The following ARHGAP26 variants were observed in gnomAD, a reference collection of about 807,000 sequenced individuals.
ARHGAP26 encodes the protein rho GTPase-activating protein 26.
A neutral mutation model predicts 104.8 loss-of-function variants in ARHGAP26; 38 were observed. The ratio of observed to expected loss-of-function variants is 0.36; its 90% CI spans 0.28 to 0.48. ARHGAP26 has a LOEUF of 0.48. Ranked by LOEUF, ARHGAP26 falls within the 20% of genes least tolerant of loss-of-function variation. The pLI, the probability that ARHGAP26 is intolerant of heterozygous loss-of-function variation, is 0.99. For missense variants in ARHGAP26, 704 were observed against 947.9 expected (o/e 0.74, Z 3.38); for synonymous variants, 341 against 340.0 (o/e 1.00, Z -0.03).
intron 17 of ARHGAP26, among the ~76,000 whole-genome samples, chr5:143,110,209 A>G (rs564357624): frequency 6.6e-6 from 1 of 152,264 alleles, no homozygotes; most frequent in African/African-American, 2.4e-5. Flanking sequence ...TCATAGCACC[A>G]TATATTTTCT....
chr5:142,981,984 G>A lies in ARHGAP26; in HGVS notation c.1108-32096G>A, dbSNP rs544014002. ...AGGCTTTCATTGCATTAGTCCACTTGGAAGTCTTTTCTCCAATCCATTTGA... is the reference window on the plus strand; with the variant it reads ...AGGCTTTCATTGCATTAGTCCACTTAGAAGTCTTTTCTCCAATCCATTTGA... On this transcript the variant is annotated intron_variant, in intron 11 of 22. Transcript: ENST00000645722. 2.0e-5 allele frequency among the ~76,000 whole-genome samples: 3 copies of A among 152,334 alleles called. No homozygotes were observed. In the East Asian group the frequency reaches 5.8e-4, roughly 29 times the overall value.
chr5:143,176,854 A>G (rs1803538362), intron 20 of ARHGAP26, among the ~76,000 whole-genome samples: 1 of 152,210 alleles, frequency 6.6e-6, no homozygotes. Flanking sequence ...TCAGCTCATA[A>G]TCTCAGAATC....
At chr5:142,908,398 C>T (rs770472679) in intron 9 of ARHGAP26, among the ~76,000 whole-genome samples, 5 of 152,244 alleles carry the variant, frequency 3.3e-5, no homozygotes, top group Non-Finnish European at 5.9e-5. Flanking sequence ...TGGCCAGATA[C>T]AGCTGTCATC....
intron 17 of ARHGAP26, among the ~76,000 whole-genome samples, chr5:143,089,572 A>C (rs553294244): frequency 9.2e-5 from 14 of 152,176 alleles, no homozygotes; most frequent in Admixed American, 7.2e-4. Context: ...TTTTGCTACT[A>C]TCATGTCTAA....
chr5:143,166,197 C>A, intron 20 of ARHGAP26: 1 of 859,540 alleles, frequency 1.2e-6, no homozygotes, highest in Non-Finnish European at 1.5e-6. Flanking sequence ...ATGTACGTAG[C>A]TGGCAGTGAA....
chr5:142,976,239 C>T (rs907557503), intron 11 of ARHGAP26, among the ~76,000 whole-genome samples: 1 of 152,154 alleles, frequency 6.6e-6, no homozygotes, highest in African/African-American at 2.4e-5. Context: ...TCCTTTAAAG[C>T]ATTTGAAATA....
In ARHGAP26 at chr5:143,131,930, T is replaced by C. The variant is rs1450326327; in HGVS notation, c.1699-2037T>C. On this transcript the variant is annotated intron_variant, in intron 18 of 22. Transcript: ENST00000645722. The stretch of plus-strand genomic sequence containing the variant: ...TGCAGTCCTTGAGCTTTTCTTTCTA[T>C]TATAGAGGCTCAGTAAGAGACTAGA... Among the ~76,000 whole-genome samples, 3 of 151,490 alleles carry C rather than the reference T, an allele frequency of 2.0e-5. No individual in the cohort carries two copies. The East Asian group carries it at 5.8e-4, about 29-fold the overall frequency.
chr5:142,982,972 A>G (rs1037541601), intron 11 of ARHGAP26, among the ~76,000 whole-genome samples: 15 of 152,146 alleles, frequency 9.9e-5, no homozygotes, highest in African/African-American at 3.4e-4. Flanking sequence ...GCAGCCTTGC[A>G]TCTGGGGTTG....
chr5:143,034,007 A>G (rs1165634509), intron 12 of ARHGAP26, among the ~76,000 whole-genome samples: 1 of 152,196 alleles, frequency 6.6e-6, no homozygotes, highest in Non-Finnish European at 1.5e-5. Context: ...AAGATTCCCA[A>G]CATTATTAGT....
chr5:142,945,226 C>A (rs984082238), intron 11 of ARHGAP26, among the ~76,000 whole-genome samples: 1 of 152,176 alleles, frequency 6.6e-6, no homozygotes, highest in African/African-American at 2.4e-5. Flanking sequence ...GAAAAGCTCC[C>A]TGAGGGATAT....
intron 17 of ARHGAP26, among the ~76,000 whole-genome samples, chr5:143,087,874 C>T (rs1790832386): frequency 6.6e-6 from 1 of 151,898 alleles, no homozygotes; most frequent in South Asian, 2.1e-4. Flanking sequence ...GTCTCGAACT[C>T]CTGACCTCAG....
At chr5:143,050,836 C>T (rs1187438271) in intron 14 of ARHGAP26, among the ~76,000 whole-genome samples, 4 of 152,140 alleles carry the variant, frequency 2.6e-5, no homozygotes, top group Non-Finnish European at 5.9e-5. Flanking sequence ...GGCTACTAAT[C>T]ACAATCCTGA....
Position 143,066,127 on chromosome 5 carries a change from TATGTTTAG to T in ARHGAP26, c.1538+8381_1538+8388del, listed in dbSNP as rs1313919470. Among the ~76,000 whole-genome samples, 4 of 152,236 alleles carry T rather than the reference TATGTTTAG, an allele frequency of 2.6e-5. No homozygotes were observed. The East Asian group carries it at 7.7e-4, about 29-fold the overall frequency. On this transcript the variant is annotated intron_variant, in intron 17 of 22. Transcript: ENST00000645722. ...TATCATGTTTTTACTCTATAGTTTC[TATGTTTAG>T]CTATGTTTAGATGCACAAGTACTTC...
At chr5:143,073,352 A>G (rs1228247076) in intron 17 of ARHGAP26, among the ~76,000 whole-genome samples, 2 of 152,184 alleles carry the variant, frequency 1.3e-5, no homozygotes, top group Admixed American at 6.5e-5. Context: ...GTTGAAAACT[A>G]TACTCTCTAG....
intron 20 of ARHGAP26, among the ~76,000 whole-genome samples, chr5:143,156,718 C>T (rs1599276679): frequency 6.6e-6 from 1 of 152,176 alleles, no homozygotes; most frequent in African/African-American, 2.4e-5. Context: ...TCACCAGCAC[C>T]CTATGATTGT....
At chr5:143,072,786 G>A (rs1257911657) in intron 17 of ARHGAP26, among the ~76,000 whole-genome samples, 1 of 152,150 alleles carries the variant, frequency 6.6e-6, no homozygotes, top group African/African-American at 2.4e-5. Context: ...GGGAAAGGGA[G>A]GATAGGGAAG....
At chr5:143,075,898 C>T (rs1788929524) in intron 17 of ARHGAP26, among the ~76,000 whole-genome samples, 1 of 151,914 alleles carries the variant, frequency 6.6e-6, no homozygotes, top group Admixed American at 6.6e-5. Context: ...GGGGTTTTAC[C>T]ATGTTGCCCA....
chr5:142,770,397 A>C lies in ARHGAP26; in HGVS notation c.-365A>C. On this transcript the variant is annotated 5_prime_UTR_variant, in exon 1 of 23. Transcript: ENST00000645722. ...GGCCCAGACACCGGCGGGGCGGCCGAGGCTGCTGTGAGAGGGCGCTCGAGG... is the reference window on the plus strand; with the variant it reads ...GGCCCAGACACCGGCGGGGCGGCCGCGGCTGCTGTGAGAGGGCGCTCGAGG... The C allele has an allele frequency of 5.2e-6, 1 of 190,926 alleles. No homozygotes were observed. Among genetic ancestry groups the C allele is most frequent in the Middle Eastern group, 1.9e-3 (1 of 538 alleles). 11.8% of individuals were successfully genotyped at this position (190,926 alleles called of 1,614,324 possible).
chr5:143,146,318 C>G (rs1313904021), intron 19 of ARHGAP26, among the ~76,000 whole-genome samples: 1 of 152,146 alleles, frequency 6.6e-6, no homozygotes, highest in Non-Finnish European at 1.5e-5. Flanking sequence ...GTTCTTTGAG[C>G]AGTGTTCTGA....
Sources: gnomAD v4.1 joint callset for allele counts (sites outside exome capture counted in the v4.1 genomes callset) on GRCh38, gnomAD v4.1.1 for gene constraint, MANE v1.5 for transcripts, NCBI Gene and HGNC (gene_info 2026-07-23, HGNC 2026-07-21) for gene names.